Variants in EFNA5 observed in about 807,000 individuals in gnomAD.
EFNA5 encodes the protein ephrin-A5.
In EFNA5, 5 loss-of-function variants were observed where a neutral mutation model predicts 22.9. That is an observed-to-expected ratio of 0.22 (90% CI 0.11 to 0.46). EFNA5 has a LOEUF of 0.46. Among genes scored for constraint, EFNA5 ranks in the 20% least tolerant of loss-of-function variants. The probability of loss-of-function intolerance (pLI) is 0.99; values close to 1 mark genes in which losing one functional copy is unlikely to be tolerated. For missense variants in EFNA5, 237 were observed against 293.3 expected, an observed-to-expected ratio of 0.81 and a Z score of 1.40; for synonymous variants, 113 against 112.2, an observed-to-expected ratio of 1.01 and a Z score of -0.04.
chr5:107,599,841 T>C (rs111894371), intron 1 of EFNA5, among the ~76,000 whole-genome samples: 1,618 of 152,302 alleles, frequency 0.011, 24 homozygotes, highest in African/African-American at 0.037. Context: ...TTTTCAGAAA[T>C]GCATCTCCGA....
chr5:107,502,080 G>T (rs1213649428), intron 1 of EFNA5, among the ~76,000 whole-genome samples: 1 of 152,128 alleles, frequency 6.6e-6, no homozygotes, highest in Non-Finnish European at 1.5e-5. Context: ...CCAACCTGCG[G>T]CTGTTAGCAA....
At chr5:107,402,685 G>A (rs1266383646) in intron 2 of EFNA5, among the ~76,000 whole-genome samples, 1 of 152,186 alleles carries the variant, frequency 6.6e-6, no homozygotes, top group African/African-American at 2.4e-5. Context: ...AGGGGGAAAG[G>A]AGTGTCTGCC....
At chr5:107,487,949 A>G (rs1374748536) in intron 1 of EFNA5, among the ~76,000 whole-genome samples, 1 of 152,234 alleles carries the variant, frequency 6.6e-6, no homozygotes, top group Non-Finnish European at 1.5e-5. Context: ...TACATGGGAA[A>G]TGGACTTAAA....
At chr5:107,635,301 T>A (rs1392465078) in intron 1 of EFNA5, among the ~76,000 whole-genome samples, 1 of 152,266 alleles carries the variant, frequency 6.6e-6, no homozygotes. Flanking sequence ...CAACTCCTTA[T>A]AATTTTTAGC....
intron 1 of EFNA5, among the ~76,000 whole-genome samples, chr5:107,555,198 T>C (rs1748385729): frequency 1.3e-5 from 2 of 152,224 alleles, no homozygotes; most frequent in Admixed American, 1.3e-4. Context: ...AGTTCACATA[T>C]GACTGGAATC....
chr5:107,418,090 G>A (rs1748552729), intron 2 of EFNA5, among the ~76,000 whole-genome samples: 1 of 152,146 alleles, frequency 6.6e-6, no homozygotes. Flanking sequence ...TGCATTTGGT[G>A]TGTGCATGCT....
chr5:107,561,917 A>G (rs1748554119), intron 1 of EFNA5, among the ~76,000 whole-genome samples: 1 of 152,202 alleles, frequency 6.6e-6, no homozygotes, highest in African/African-American at 2.4e-5. Context: ...ATAAATATAT[A>G]CAGGCCAGGA....
At chr5:107,403,196 A>G (rs1748129348) in intron 2 of EFNA5, among the ~76,000 whole-genome samples, 1 of 152,178 alleles carries the variant, frequency 6.6e-6, no homozygotes, top group Admixed American at 6.5e-5. Flanking sequence ...TACTATACCC[A>G]AAAGAGTTAG....
rs1440801284 is a variant in EFNA5, at chr5:107,510,547, A to G, written c.126-83038T>C. Among the ~76,000 whole-genome samples, 3 of 152,162 alleles carry G rather than the reference A, an allele frequency of 2.0e-5. No homozygotes were observed. The East Asian group carries it at 5.8e-4, about 29-fold the overall frequency. ...CCAAGAACCCTCTCTTGGGGTCTGG[A>G]TCTGGACCCCTTTCTGGTAATACTA... is the stretch of plus-strand genomic sequence containing the variant. On this transcript the variant is annotated intron_variant, in intron 1 of 4. Transcript: ENST00000333274.
intron 1 of EFNA5, among the ~76,000 whole-genome samples, chr5:107,437,700 G>A (rs1749152902): frequency 6.7e-6 from 1 of 149,880 alleles, no homozygotes; most frequent in Non-Finnish European, 1.5e-5. Flanking sequence ...TCGATGAAGA[G>A]GAATGTAGCT....
chr5:107,660,281 T>TATATATATATATATATATATAA (rs1750921398), intron 1 of EFNA5, among the ~76,000 whole-genome samples: 4 of 55,612 alleles, frequency 7.2e-5, no homozygotes, highest in East Asian at 3.2e-3. Flanking sequence ...TATATATATA[T>TATATATATATATATATATATAA]ATATATATAT....
At chr5:107,565,259 C>A (rs1748641367) in intron 1 of EFNA5, among the ~76,000 whole-genome samples, 1 of 152,094 alleles carries the variant, frequency 6.6e-6, no homozygotes, top group African/African-American at 2.4e-5. Flanking sequence ...TTATGGGTAA[C>A]TTTCAATTTT....
At chr5:107,642,839 A>G (rs1394135112) in intron 1 of EFNA5, among the ~76,000 whole-genome samples, 1 of 151,610 alleles carries the variant, frequency 6.6e-6, no homozygotes, top group Admixed American at 6.6e-5. Flanking sequence ...CATGGTGGAG[A>G]GTAGGAAGAA....
chr5:107,391,260 G>T (rs1747788938), intron 2 of EFNA5, among the ~76,000 whole-genome samples: 2 of 152,158 alleles, frequency 1.3e-5, no homozygotes, highest in Non-Finnish European at 2.9e-5. Context: ...CTGCCCTTGT[G>T]TTGTGGTTCT....
At chr5:107,492,849 A>C (rs1746849498) in intron 1 of EFNA5, among the ~76,000 whole-genome samples, 1 of 152,082 alleles carries the variant, frequency 6.6e-6, no homozygotes, top group Non-Finnish European at 1.5e-5. Flanking sequence ...AAATACAAAA[A>C]TTAGCAGAGT....
At chr5:107,589,475 T>TAC (rs371606425) in intron 1 of EFNA5, among the ~76,000 whole-genome samples, 60 of 151,538 alleles carry the variant, frequency 4.0e-4, no homozygotes, top group East Asian at 9.7e-4. Context: ...TAAACATATA[T>TAC]ACACACACAC....
intron 1 of EFNA5, among the ~76,000 whole-genome samples, chr5:107,561,343 T>C (rs534861018): frequency 1.1e-3 from 168 of 152,278 alleles, no homozygotes; most frequent in Non-Finnish European, 1.9e-3. Flanking sequence ...GACAAGCACC[T>C]CTTAGTCATT....
At chr5:107,426,154 T>G (rs560252545) in intron 2 of EFNA5, among the ~76,000 whole-genome samples, 107 of 152,362 alleles carry the variant, frequency 7.0e-4, no homozygotes, top group Middle Eastern at 6.8e-3. Flanking sequence ...CTTTTCATCT[T>G]GCATCCCCCA....
At chr5:107,561,607 A>G (rs575694154) in intron 1 of EFNA5, among the ~76,000 whole-genome samples, 4 of 151,996 alleles carry the variant, frequency 2.6e-5, no homozygotes, top group Non-Finnish European at 4.4e-5. Context: ...TGACCTCGTG[A>G]CCCGCCCACC....
Sources: allele counts gnomAD v4.1 joint callset (sites outside exome capture counted in the v4.1 genomes callset), GRCh38; gene constraint gnomAD v4.1.1; transcripts MANE v1.5; gene names NCBI Gene and HGNC (gene_info 2026-07-23, HGNC 2026-07-21).